Variants in FOSB observed in about 807,000 individuals in gnomAD.
FOSB encodes FosB proto-oncogene, AP-1 transcription factor subunit, also known as protein FosB.
FOSB carries 8 observed loss-of-function variants against 31.1 expected under a neutral mutation model. The observed-to-expected ratio is 0.26, with a 90% CI of 0.15 to 0.46. The LOEUF is 0.46. Ranked by LOEUF, FOSB falls within the 20% of genes least tolerant of loss-of-function variation. The pLI, the probability that FOSB is intolerant of heterozygous loss-of-function variation, is 0.99. For missense variants in FOSB, 376 were observed against 460.6 expected, an observed-to-expected ratio of 0.82 and a Z score of 1.68; for synonymous variants, 214 against 206.1, an observed-to-expected ratio of 1.04 and a Z score of -0.33.
chr19:45,470,578 GGT>G, intron 1 of FOSB, 49 bp from the exon 2 acceptor site: 1 of 1,504,434 alleles, frequency 6.6e-7, no homozygotes, highest in Non-Finnish European at 9.0e-7. Context: ...TGTGTGTGTC[GGT>G]GTCTTTGTTT....
At chr19:45,470,984 G>T (rs376676928) in intron 2 of FOSB, 35 bp downstream of exon 2, 23 of 1,600,662 alleles carry the variant, frequency 1.4e-5, no homozygotes, top group Non-Finnish European at 1.2e-5. Context: ...GCCTGGGTAG[G>T]GGGAAGCAAG....
Position 45,473,104 on chromosome 19 carries a change from G to T in FOSB, c.*92G>T. The T allele has an allele frequency of 8.0e-7, 1 of 1,246,320 alleles. No homozygotes were observed. Among genetic ancestry groups the T allele is most frequent in the South Asian group, 1.4e-5 (1 of 73,868 alleles). The allele number at this position is 1,246,320 out of a possible 1,614,324, so 77.2% of individuals were successfully genotyped here. ...GAGAAGGAGGAGAGAGAGGGGAAGA[G>T]ACAAAGTGGGTGTGTGGCCTCCCTG... is the stretch of plus-strand genomic sequence containing the variant. On this transcript the variant is annotated 3_prime_UTR_variant, in exon 4 of 4. Transcript: ENST00000353609.
intron 3 of FOSB, 199 bp downstream of exon 3, chr19:45,471,500 C>CCCCG: frequency 2.3e-6 from 1 of 435,950 alleles, no homozygotes; most frequent in Non-Finnish European, 4.2e-6. Flanking sequence ...TCCTGGTCCC[C>CCCCG]CCCCCATTTC....
Position 45,473,364 on chromosome 19 carries a change from T to G in FOSB, c.*352T>G. Reference sequence around the variant, plus strand: ...GCGGGTGACGCCCACCTTCGGGCAGTCCTGTGTGAGGATTAAGGGACGGGG... The same window carrying G: ...GCGGGTGACGCCCACCTTCGGGCAGGCCTGTGTGAGGATTAAGGGACGGGG... On this transcript the variant is annotated 3_prime_UTR_variant, in exon 4 of 4. Transcript: ENST00000353609. 1 of 179,280 alleles carries G rather than the reference T, an allele frequency of 5.6e-6. No individual in the cohort carries two copies. The highest frequency in any genetic ancestry group is 8.5e-5 in the South Asian group (1 of 11,724). 11.1% of individuals were successfully genotyped at this position (179,280 alleles called of 1,614,324 possible).
intron 1 of FOSB, chr19:45,469,923 AG>A: frequency 6.6e-6 from 1 of 151,798 alleles, no homozygotes; most frequent in Non-Finnish European, 1.5e-5. Context: ...CATTTACGGG[AG>A]GGGGGAGATG....
Position 45,474,559 on chromosome 19 carries a change from G to T in FOSB, c.*1547G>T, listed in dbSNP as rs1375559659. The T allele has an allele frequency of 2.6e-5, 4 of 152,318 alleles. No individual in the cohort carries two copies. Among genetic ancestry groups the T allele is most frequent in the Non-Finnish European group, 5.9e-5 (4 of 68,018 alleles). The allele number at this position is 152,318 out of a possible 1,614,324, so 9.4% of individuals were successfully genotyped here. ...TCCTTAGCTATTTATCCCTTTCCTG[G>T]TTTCCGAAAGGCAATTATATCTATT... On this transcript the variant is annotated 3_prime_UTR_variant, in exon 4 of 4. Transcript: ENST00000353609.
chr19:45,469,627 G>A (rs539706283), intron 1 of FOSB, among the ~76,000 whole-genome samples: 78 of 152,224 alleles, frequency 5.1e-4, no homozygotes, highest in Non-Finnish European at 1.0e-3. Flanking sequence ...CAGGAGAAGG[G>A]GGTGTCTGCT....
chr19:45,470,788 C>A lies in FOSB; in HGVS notation c.286C>A (p.Pro96Thr). The A allele has an allele frequency of 6.2e-7, 1 of 1,614,040 alleles. No individual in the cohort carries two copies. The highest frequency in any genetic ancestry group is 1.3e-5 in the African/African-American group (1 of 75,028). Reference protein sequence around the residue: ...PLASQPPVVDPYDMPGTSYST... With the variant: ...PLASQPPVVDTYDMPGTSYST... ...GGCCTCCCAGCCCCCGGTCGTCGAC[C>A]CCTACGACATGCCGGGAACCAGCTA... The change falls in exon 2 of 4, where the codon CCC (proline) becomes ACC (threonine). Residue 96 changes from proline to threonine, a missense_variant. By Grantham distance (38) the Pro-to-Thr change is conservative. Around this residue, in one of 3 missense-constraint regions of FOSB, gnomAD observed 193 missense variants for 207.1 expected, o/e 0.93. Transcript: ENST00000353609.
rs1306285925 is a variant in FOSB at position 45,472,545 on chromosome 19, C to A, written c.556-6C>A. On this transcript the variant is annotated splice_region_variant and splice_polypyrimidine_tract_variant and intron_variant, in intron 3 of 3. Coordinates refer to ENST00000353609, the MANE Select transcript of FOSB (RefSeq NM_006732.3). The surrounding 1 kb of genome is among the most constrained non-coding windows in gnomAD (Gnocchi z 5.4). ...CTCTTCTGTGACCTGGCCTCCCTGG[C>A]CTCAGGAGACAGATCAGTTGGAGGA... The A allele has an allele frequency of 1.3e-6, 2 of 1,509,550 alleles. No individual in the cohort carries two copies. Among genetic ancestry groups the A allele is most frequent in the African/African-American group, 1.4e-5 (1 of 71,422 alleles). The allele number at this position is 1,509,550 out of a possible 1,614,324, so 93.5% of individuals were successfully genotyped here. A position where few individuals can be genotyped will look rare whatever the true frequency, so the allele number is the denominator to read the frequency against.
chr19:45,468,740 T>C lies in FOSB; in HGVS notation c.126+28T>C, dbSNP rs1384876601. On this transcript the variant is annotated intron_variant, in intron 1 of 3. Coordinates refer to ENST00000353609, the MANE Select transcript of FOSB (RefSeq NM_006732.3). This position sits in a 1 kb window ranked among gnomAD's most constrained non-coding sequence, Gnocchi z 4.8. ...AAGTTTTTGATAGTAGGGGTGCTGC[T>C]TTGTAGGTTTTATTTTTTAAGTCAA... 3.2e-6 allele frequency: 5 copies of C among 1,566,448 alleles called. No homozygotes were observed. The highest frequency in any genetic ancestry group is 2.3e-5 in the East Asian group (1 of 43,644).
In FOSB at chr19:45,468,507, C is replaced by T; in HGVS notation, c.-80C>T. 6.7e-7 allele frequency: 1 copy of T among 1,502,146 alleles called. No homozygotes were observed. Among genetic ancestry groups the T allele is most frequent in the East Asian group, 2.3e-5 (1 of 42,950 alleles). 93.1% of individuals were successfully genotyped at this position (1,502,146 alleles called of 1,614,324 possible). A position where few individuals can be genotyped will look rare whatever the true frequency, so the allele number is the denominator to read the frequency against. On this transcript the variant is annotated 5_prime_UTR_variant, in exon 1 of 4. Transcript: ENST00000353609. The surrounding 1 kb of genome is among the most constrained non-coding windows in gnomAD (Gnocchi z 4.8). ...CCCACGGCTCACCCCGGACTTGCAC[C>T]TTACTTCCCCAACCCGGCCATAGCC...
chr19:45,473,088 G>A lies in FOSB; in HGVS notation c.*76G>A, dbSNP rs1462411069. ...AGAGGAGGAGGAGGAGGAGAAGGAG[G>A]AGAGAGAGGGGAAGAGACAAAGTGG... On this transcript the variant is annotated 3_prime_UTR_variant, in exon 4 of 4. Transcript: ENST00000353609. 3.6e-6 allele frequency: 5 copies of A among 1,398,872 alleles called. No homozygotes were observed. The highest frequency in any genetic ancestry group is 1.8e-5 in the Admixed American group (1 of 55,228). The allele number at this position is 1,398,872 out of a possible 1,614,324, so 86.7% of individuals were successfully genotyped here.
chr19:45,472,513 C>CCT lies in FOSB; in HGVS notation c.556-29_556-28dup. On this transcript the variant is annotated intron_variant, in intron 3 of 3. Transcript: ENST00000353609. This position sits in a 1 kb window ranked among gnomAD's most constrained non-coding sequence, Gnocchi z 5.4. ...GTCACTGACATGCTTTTTTCTCCTT[C>CCT]CTCTCTCTCTTCTGTGACCTGGCCT... The CCT allele has an allele frequency of 6.9e-7, 1 of 1,446,000 alleles. No homozygotes were observed. Among genetic ancestry groups the CCT allele is most frequent in the Non-Finnish European group, 9.2e-7 (1 of 1,088,174 alleles). The allele number at this position is 1,446,000 out of a possible 1,614,324, so 89.6% of individuals were successfully genotyped here. A position where few individuals can be genotyped will look rare whatever the true frequency, so the allele number is the denominator to read the frequency against.
At position 45,473,369 on chromosome 19, in the gene FOSB, T is replaced by G; in HGVS notation, c.*357T>G. 8.0e-6 allele frequency: 1 copy of G among 124,638 alleles called. No homozygotes were observed. Among genetic ancestry groups the G allele is most frequent in the Non-Finnish European group, 1.5e-5 (1 of 68,672 alleles). The allele number at this position is 124,638 out of a possible 1,614,324, so 7.7% of individuals were successfully genotyped here. ...TGACGCCCACCTTCGGGCAGTCCTG[T>G]GTGAGGATTAAGGGACGGGGGTGGG... On this transcript the variant is annotated 3_prime_UTR_variant, in exon 4 of 4. Coordinates refer to ENST00000353609, the MANE Select transcript of FOSB (RefSeq NM_006732.3).
chr19:45,472,898 T>G lies in FOSB; in HGVS notation c.903T>G (p.Thr301=). The G allele has an allele frequency of 6.2e-7, 1 of 1,614,164 alleles. No homozygotes were observed. The highest frequency in any genetic ancestry group is 8.5e-7 in the Non-Finnish European group (1 of 1,180,034). The part of the protein sequence containing the change: ...DPFPVVNPSY[T]SSFVLTCPEV... ...TCCCCGTTGTTAACCCTTCGTACAC[T>G]TCTTCGTTTGTCCTCACCTGCCCGG... The change falls in exon 4 of 4, where the codon ACT becomes ACG. Residue 301 remains threonine, a synonymous_variant. Transcript: ENST00000353609. The surrounding 1 kb of genome is among the most constrained non-coding windows in gnomAD (Gnocchi z 5.4).
At position 45,470,722 on chromosome 19, in the gene FOSB, A is replaced by G. The variant is rs780193148; in HGVS notation, c.220A>G (p.Thr74Ala). 4 of 1,611,570 alleles carry G rather than the reference A, an allele frequency of 2.5e-6. No individual in the cohort carries two copies. The East Asian group carries it at 8.9e-5, about 36-fold the overall frequency. ...GGACCTCCAGTGGCTTGTGCAACCC[A>G]CCCTCATCTCTTCCATGGCCCAGTC... is the stretch of plus-strand genomic sequence containing the variant. ...SQDLQWLVQP[T>A]LISSMAQSQG... Residue 74 changes from threonine (T) to alanine (A), a missense_variant, in exon 2 of 4, where the codon ACC (threonine) becomes GCC (alanine). Around this residue, in one of 3 missense-constraint regions of FOSB, gnomAD observed 193 missense variants for 207.1 expected, o/e 0.93. Coordinates refer to ENST00000353609, the MANE Select transcript of FOSB (RefSeq NM_006732.3).
At chr19:45,471,606 G>A in intron 3 of FOSB, 1 of 266,296 alleles carries the variant, frequency 3.8e-6, no homozygotes, top group Non-Finnish European at 7.3e-6. Flanking sequence ...TCTCCCATCT[G>A]GTCTTCAGCA....
In FOSB at chr19:45,472,546, C is replaced by G; in HGVS notation, c.556-5C>G. The G allele has an allele frequency of 1.3e-6, 2 of 1,490,820 alleles. No individual in the cohort carries two copies. The highest frequency in any genetic ancestry group is 2.2e-4 in the Middle Eastern group (1 of 4,524). 92.3% of individuals were successfully genotyped at this position (1,490,820 alleles called of 1,614,324 possible). ...TCTTCTGTGACCTGGCCTCCCTGGC[C>G]TCAGGAGACAGATCAGTTGGAGGAA... On this transcript the variant is annotated splice_region_variant and splice_polypyrimidine_tract_variant and intron_variant, in intron 3 of 3. Coordinates refer to ENST00000353609, the MANE Select transcript of FOSB (RefSeq NM_006732.3). This position sits in a 1 kb window ranked among gnomAD's most constrained non-coding sequence, Gnocchi z 5.4.
chr19:45,468,658 A>G lies in FOSB; in HGVS notation c.72A>G (p.Gln24=), dbSNP rs955384492. 6 of 1,613,480 alleles carry G rather than the reference A, an allele frequency of 3.7e-6. No individual in the cohort carries two copies. The highest frequency in any genetic ancestry group is 2.2e-5 in the East Asian group (1 of 44,788). ...RCSSSPSAES[Q]YLSSVDSFGS... Reference sequence around the variant, plus strand: ...GCTCCTCACCCTCTGCCGAGTCTCAATATCTGTCTTCGGTGGACTCCTTCG... The same window carrying G: ...GCTCCTCACCCTCTGCCGAGTCTCAGTATCTGTCTTCGGTGGACTCCTTCG... The change falls in exon 1 of 4, where the codon CAA becomes CAG. Residue 24 remains glutamine, a synonymous_variant. Coordinates refer to ENST00000353609, the MANE Select transcript of FOSB (RefSeq NM_006732.3). The surrounding 1 kb of genome is among the most constrained non-coding windows in gnomAD (Gnocchi z 4.8).
Sources: gnomAD v4.1 joint callset for allele counts (sites outside exome capture counted in the v4.1 genomes callset) on GRCh38, gnomAD v4.1.1 for gene constraint, gnomAD v4.1.1 regional missense constraint, Gnocchi (gnomAD v3.1) non-coding constraint, MANE v1.5 for transcripts, NCBI Gene and HGNC (gene_info 2026-07-23, HGNC 2026-07-21) for gene names.